The following GPHN variants were observed in gnomAD, a reference collection of about 807,000 sequenced individuals.
GPHN encodes the protein gephyrin.
GPHN carries 17 observed loss-of-function variants against 95.5 expected under a neutral mutation model. The observed-to-expected ratio is 0.18, with a 90% CI of 0.12 to 0.27. The LOEUF is 0.27. Ranked by LOEUF, GPHN falls within the 10% of genes least tolerant of loss-of-function variation. The probability of loss-of-function intolerance (pLI) is 1.00; values close to 1 mark genes in which losing one functional copy is unlikely to be tolerated. For missense variants in GPHN, 660 were observed against 978.1 expected, an observed-to-expected ratio of 0.67 and a Z score of 4.34; for synonymous variants, 320 against 322.5, an observed-to-expected ratio of 0.99 and a Z score of 0.08.
At chr14:66,839,583 TG>T (rs1405383016) in intron 4 of GPHN, among the ~76,000 whole-genome samples, 1 of 152,196 alleles carries the variant, frequency 6.6e-6, no homozygotes, top group Non-Finnish European at 1.5e-5. Context: ...AGAATATAAT[TG>T]TTAGTTTTGA....
At chr14:66,572,807 G>C (rs922136253) in intron 1 of GPHN, among the ~76,000 whole-genome samples, 1 of 152,086 alleles carries the variant, frequency 6.6e-6, no homozygotes, top group Non-Finnish European at 1.5e-5. Context: ...AATAGAAGTC[G>C]TGAGAGTGGG....
At chr14:67,165,471 TATCAAAGCACATTCCAAATC>T (rs2082223247) in intron 20 of GPHN, among the ~76,000 whole-genome samples, 1 of 79,182 alleles carries the variant, frequency 1.3e-5, no homozygotes, top group Admixed American at 1.6e-4. Context: ...TTCCAAATCC[TATCAAAGCACATTCCAAATC>T]CTAAGATGAT....
chr14:67,382,022 A>C, the GPHN span, among the ~76,000 whole-genome samples: 1 of 152,234 alleles, frequency 6.6e-6, no homozygotes, highest in Non-Finnish European at 1.5e-5. Flanking sequence ...ATCTGTACAC[A>C]TACAAGTTTT....
chr14:67,533,282 G>C, the GPHN span: 1 of 151,960 alleles, frequency 6.6e-6, no homozygotes, highest in Admixed American at 6.6e-5. Context: ...GCCGGGGAGG[G>C]GAGAACCGGC....
intron 1 of GPHN, among the ~76,000 whole-genome samples, chr14:66,534,762 C>G (rs1183076704): frequency 6.6e-6 from 1 of 152,008 alleles, no homozygotes; most frequent in Admixed American, 6.5e-5. Context: ...ACTGGCTTCT[C>G]CTTTTCATTT....
At chr14:67,701,264 C>G in the GPHN span, among the ~76,000 whole-genome samples, 4 of 151,700 alleles carry the variant, frequency 2.6e-5, no homozygotes, top group African/African-American at 9.7e-5. Flanking sequence ...ATCAAAAGCT[C>G]TTGTAATTCA....
At chr14:66,830,506 A>T (rs1295726657) in intron 4 of GPHN, among the ~76,000 whole-genome samples, 1 of 152,156 alleles carries the variant, frequency 6.6e-6, no homozygotes, top group Non-Finnish European at 1.5e-5. Context: ...ATTCTTAGGA[A>T]TGCCTCATAA....
the GPHN span, chr14:67,382,366 G>C: frequency 7.6e-7 from 1 of 1,323,938 alleles, no homozygotes; most frequent in African/African-American, 1.5e-5. Flanking sequence ...TAATACAGCA[G>C]ATTAATAAAA....
At chr14:67,323,815 A>G in the GPHN span, 1 of 1,482,042 alleles carries the variant, frequency 6.7e-7, no homozygotes, top group Non-Finnish European at 9.3e-7. Flanking sequence ...ATCCAAAGGT[A>G]AAGTTTTCAC....
the GPHN span, chr14:67,334,841 G>A: frequency 5.3e-5 from 8 of 152,152 alleles, no homozygotes; most frequent in East Asian, 1.9e-4. Flanking sequence ...TCCAGTTTAC[G>A]TCTCAGGAAT....
At chr14:67,240,052 C>G in the GPHN span, among the ~76,000 whole-genome samples, 1 of 152,182 alleles carries the variant, frequency 6.6e-6, no homozygotes, top group Admixed American at 6.5e-5. Flanking sequence ...GTGTCGTCCA[C>G]CTGTATTCGA....
At chr14:66,661,812 A>G (rs1021026460) in intron 1 of GPHN, among the ~76,000 whole-genome samples, 2 of 151,382 alleles carry the variant, frequency 1.3e-5, no homozygotes, top group Admixed American at 6.6e-5. Flanking sequence ...TGTTTGGGCA[A>G]CTCAGCATTC....
rs188758225 is a variant in GPHN at position 66,686,068 on chromosome 14, A to G, written c.143+4883A>G. Among the ~76,000 whole-genome samples, 873 of 152,172 alleles carry G rather than the reference A, an allele frequency of 5.7e-3. 2 individuals carry two copies. Among genetic ancestry groups the G allele is most frequent in the South Asian group, 0.015 (70 of 4,814 alleles). On this transcript the variant is annotated intron_variant, in intron 2 of 22. Coordinates refer to ENST00000478722, the MANE Select transcript of GPHN (RefSeq NM_020806.5). Reference sequence around the variant, plus strand: ...GATCAGATGGTTGTAGATGTGTGGCATTATTTCTGAGGGCTCTGTTCTGTT... The same window carrying G: ...GATCAGATGGTTGTAGATGTGTGGCGTTATTTCTGAGGGCTCTGTTCTGTT...
At chr14:66,989,108 A>G (rs921381768) in intron 9 of GPHN, among the ~76,000 whole-genome samples, 4 of 152,086 alleles carry the variant, frequency 2.6e-5, no homozygotes, top group African/African-American at 9.6e-5. Context: ...TCTAATAACT[A>G]AACAGAAGGA....
the GPHN span, among the ~76,000 whole-genome samples, chr14:67,511,018 C>T: frequency 2.0e-5 from 3 of 152,272 alleles, no homozygotes; most frequent in South Asian, 6.2e-4. Context: ...CTTCAATCTC[C>T]TTGGCTGGCA....
intron 8 of GPHN, among the ~76,000 whole-genome samples, chr14:66,943,585 C>T (rs2067554004): frequency 6.6e-6 from 1 of 152,132 alleles, no homozygotes; most frequent in Non-Finnish European, 1.5e-5. Flanking sequence ...TGCTTTTTAC[C>T]AATATTCTTT....
At chr14:67,475,517 A>G in the GPHN span, among the ~76,000 whole-genome samples, 4 of 152,198 alleles carry the variant, frequency 2.6e-5, no homozygotes, top group African/African-American at 9.6e-5. Flanking sequence ...AGCAATGTAC[A>G]AGGGTTCCAA....
chr14:67,377,570 C>A, the GPHN span, among the ~76,000 whole-genome samples: 1 of 152,226 alleles, frequency 6.6e-6, no homozygotes. Flanking sequence ...CCTGTCATTT[C>A]TTCCTATGCT....
chr14:67,688,773 T>G, the GPHN span, among the ~76,000 whole-genome samples: 189 of 152,224 alleles, frequency 1.2e-3, 2 homozygotes, highest in African/African-American at 4.5e-3. Context: ...ATTCATGCAT[T>G]ACTAGACTGA....
Sources: allele counts gnomAD v4.1 joint callset (sites outside exome capture counted in the v4.1 genomes callset), GRCh38; gene constraint gnomAD v4.1.1; transcripts MANE v1.5; gene names NCBI Gene and HGNC (gene_info 2026-07-23, HGNC 2026-07-21).